Variants in TEP1 observed in about 807,000 individuals in gnomAD.
The protein encoded by TEP1 is telomerase protein component 1.
TEP1 carries 241 observed loss-of-function variants against 306.3 expected under a neutral mutation model. The observed-to-expected ratio is 0.79, with a 90% CI of 0.71 to 0.88. The LOEUF is 0.88. Among genes scored for constraint, TEP1 ranks in the 40% least tolerant of loss-of-function variants. The pLI, the probability that TEP1 is intolerant of heterozygous loss-of-function variation, is 0.00. For synonymous variants in TEP1, 1,289 were observed against 1,305.5 expected (o/e 0.99, Z 0.27); for missense variants, 3,051 against 3,276.1 (o/e 0.93, Z 1.68).
At position 20,395,616 on chromosome 14, in the gene TEP1, G is replaced by A. The variant is rs1488233452; in HGVS notation, c.1762C>T (p.Pro588Ser). 17 of 1,600,464 alleles carry A rather than the reference G, an allele frequency of 1.1e-5. No individual in the cohort carries two copies. The highest frequency in any genetic ancestry group is 1.4e-5 in the Non-Finnish European group (16 of 1,168,638). Residue 588 changes from proline to serine, a missense_variant, in exon 12 of 55, where the codon CCT becomes TCT. Pro to Ser is a moderately conservative substitution (Grantham distance 74). Around this residue, in one of 3 missense-constraint regions of TEP1, gnomAD observed 1,507 missense variants for 1,550.5 expected, o/e 0.97. Coordinates refer to ENST00000262715, the MANE Select transcript of TEP1 (RefSeq NM_007110.5). The stretch of plus-strand genomic sequence containing the variant: ...CGCCTCATCAGTGTTATATTCGAAG[G>A]AAAGGGCAATGCTGTATGATGACAG... ...AQLRNQALPF[P>S]SNITLMRRIL...
chr14:20,407,356 CT>C (rs765164667), intron 2 of TEP1, among the ~76,000 whole-genome samples: 37 of 152,134 alleles, frequency 2.4e-4, no homozygotes, highest in Non-Finnish European at 5.4e-4. Context: ...TTTGTTGTGT[CT>C]TTTGGGCTTT....
In TEP1 at chr14:20,395,883, G is replaced by C; in HGVS notation, c.1726C>G (p.Leu576Val). ...FLNAHDAIDALEAQLRNQALP... is the reference protein window; with the variant it reads ...FLNAHDAIDAVEAQLRNQALP... ...CCTTGATTTCTGAGTTGAGCCTCGA[G>C]GGCATCAATGGCATCATGGGCGTTA... Residue 576 changes from leucine to valine, a missense_variant, in exon 11 of 55, where the codon CTC becomes GTC. Physicochemically the swap from Leu to Val is conservative, Grantham distance 32. Coordinates refer to ENST00000262715, the MANE Select transcript of TEP1 (RefSeq NM_007110.5). 1.2e-6 allele frequency: 2 copies of C among 1,614,054 alleles called. No individual in the cohort carries two copies. Among genetic ancestry groups the C allele is most frequent in the Non-Finnish European group, 1.7e-6 (2 of 1,179,972 alleles).
intron 12 of TEP1, among the ~76,000 whole-genome samples, chr14:20,394,541 G>A (rs1416284937): frequency 6.8e-6 from 1 of 146,286 alleles, no homozygotes; most frequent in South Asian, 2.2e-4. Flanking sequence ...GTGCAATGGC[G>A]CGATCTCAGC....
Position 20,404,799 on chromosome 14 carries a change from A to G in TEP1, c.871-27T>C, listed in dbSNP as rs552518843. The G allele has an allele frequency of 2.5e-6, 4 of 1,576,598 alleles. No homozygotes were observed. In the African/African-American group the frequency reaches 4.1e-5, roughly 16 times the overall value. ...TAGGACACAGGGTGAGAGGACTAGA[A>G]TCTCAGTCACTCCTCCCGTAGCTTT... On this transcript the variant is annotated intron_variant, in intron 4 of 54. Coordinates refer to ENST00000262715, the MANE Select transcript of TEP1 (RefSeq NM_007110.5).
At chr14:20,408,654 G>A (rs1320622026) in intron 1 of TEP1, among the ~76,000 whole-genome samples, 191 bp from the exon 2 acceptor site, 2 of 152,060 alleles carry the variant, frequency 1.3e-5, no homozygotes, top group African/African-American at 2.4e-5. Context: ...AAAAGGTAAG[G>A]CAGAGGCTTA....
intron 51 of TEP1, among the ~76,000 whole-genome samples, chr14:20,370,525 A>C (rs2138992990): frequency 6.6e-6 from 1 of 152,330 alleles, no homozygotes; most frequent in Middle Eastern, 3.4e-3. Flanking sequence ...ATTCATCAGC[A>C]TGCAGTATCA....
At position 20,381,908 on chromosome 14, in the gene TEP1, T is replaced by C. The variant is rs770176730; in HGVS notation, c.4424+5A>G. The C allele has an allele frequency of 6.2e-7, 1 of 1,613,730 alleles. No homozygotes were observed. The highest frequency in any genetic ancestry group is 1.1e-5 in the South Asian group (1 of 91,046). ...TCAGCGGGAGCTCTGCTGGGGCACC[T>C]GTACCTGCGCAGACTCTGGACGAGG... is the stretch of plus-strand genomic sequence containing the variant. On this transcript the variant is annotated splice_donor_5th_base_variant and intron_variant, in intron 30 of 54. Coordinates refer to ENST00000262715, the MANE Select transcript of TEP1 (RefSeq NM_007110.5). The surrounding 1 kb of genome is among the most constrained non-coding windows in gnomAD (Gnocchi z 4.0).
At position 20,368,902 on chromosome 14, in the gene TEP1, T is replaced by A. The variant is rs1884645962; in HGVS notation, c.7657A>T (p.Ile2553Phe). The A allele has an allele frequency of 6.2e-7, 1 of 1,612,396 alleles. No individual in the cohort carries two copies. The highest frequency in any genetic ancestry group is 1.1e-5 in the South Asian group (1 of 90,718). ...AGGGCTGTGACAGAGCCCGAGTGAA[T>A]CTCAAAGAGGAAAGGGGAGAGCAGA... is the stretch of plus-strand genomic sequence containing the variant. ...PHLKTRQRRKIHSGSVTALHV... is the reference protein window; with the variant it reads ...PHLKTRQRRKFHSGSVTALHV... The change falls in exon 54 of 55, where the codon ATT (isoleucine) becomes TTT (phenylalanine). Residue 2553 changes from isoleucine to phenylalanine, a missense_variant and splice_region_variant. Coordinates refer to ENST00000262715, the MANE Select transcript of TEP1 (RefSeq NM_007110.5).
intron 12 of TEP1, among the ~76,000 whole-genome samples, chr14:20,393,845 G>C (rs1251120577): frequency 6.6e-6 from 1 of 151,922 alleles, no homozygotes; most frequent in Admixed American, 6.6e-5. Context: ...ACTTTGGTTT[G>C]GGAGGCCAAG....
chr14:20,400,942 G>T lies in TEP1; in HGVS notation c.1549+42C>A, dbSNP rs80138238. 3,201 of 1,598,220 alleles carry T rather than the reference G, an allele frequency of 2.0e-3. 60 individuals are homozygous for T. In the African/African-American group the frequency reaches 0.038, roughly 19 times the overall value. ...GGATCTAAAATGTGGAGGCATAAAT[G>T]GGGAAGAGAAGGAGGGAATGTGATG... is the stretch of plus-strand genomic sequence containing the variant. On this transcript the variant is annotated intron_variant, in intron 9 of 54. Transcript: ENST00000262715.
chr14:20,391,711 G>A lies in TEP1; in HGVS notation c.1985C>T (p.Ala662Val), dbSNP rs141282395. Residue 662 changes from alanine to valine, a missense_variant, in exon 13 of 55, where the codon GCT becomes GTT. Physicochemically the swap from Ala to Val is moderately conservative, Grantham distance 64 (BLOSUM62 0). Coordinates refer to ENST00000262715, the MANE Select transcript of TEP1 (RefSeq NM_007110.5). Reference protein sequence around the residue: ...LNRYRQALETAVNLSVKHSLP... With the variant: ...LNRYRQALETVVNLSVKHSLP... ...GCTGTGCTTCACAGAGAGGTTCACA[G>A]CTGTCTCTAGGGCCTGTCGGTACCT... The A allele has an allele frequency of 1.5e-4, 240 of 1,614,236 alleles. No individual in the cohort carries two copies. Among genetic ancestry groups the A allele is most frequent in the Middle Eastern group, 8.2e-4 (5 of 6,062 alleles).
chr14:20,377,995 AACCCACCACC>A lies in TEP1; in HGVS notation c.5721+19_5721+28del, dbSNP rs1885294789. 5.0e-6 allele frequency: 8 copies of A among 1,609,052 alleles called. No individual in the cohort carries two copies. The highest frequency in any genetic ancestry group is 6.8e-6 in the Non-Finnish European group (8 of 1,178,878). ...CTTTGCCTTTGCTACTCCTCCTCAC[AACCCACCACC>A]AGCCCTCTGCAAGCTGACCTTGCCA... is the stretch of plus-strand genomic sequence containing the variant. On this transcript the variant is annotated intron_variant, in intron 39 of 54. Transcript: ENST00000262715.
At chr14:20,398,146 G>A (rs944395224) in intron 9 of TEP1, among the ~76,000 whole-genome samples, 2 of 151,912 alleles carry the variant, frequency 1.3e-5, no homozygotes, top group African/African-American at 2.4e-5. Context: ...TTGGAAGGCC[G>A]ACTCAGGCGG....
chr14:20,381,101 A>G lies in TEP1; in HGVS notation c.4648-56T>C, dbSNP rs966169051. 24 of 1,442,786 alleles carry G rather than the reference A, an allele frequency of 1.7e-5. No individual in the cohort carries two copies. The African/African-American group carries it at 3.4e-4, about 20-fold the overall frequency. The allele number at this position is 1,442,786 out of a possible 1,614,324, so 89.4% of individuals were successfully genotyped here. On this transcript the variant is annotated intron_variant, in intron 32 of 54. Transcript: ENST00000262715. The surrounding 1 kb of genome is among the most constrained non-coding windows in gnomAD (Gnocchi z 4.0). ...TATGAAGGGGCTGGTGAGAAGGGACAGTTTAGTCTCAGAACCTGGATACAG... is the reference window on the plus strand; with the variant it reads ...TATGAAGGGGCTGGTGAGAAGGGACGGTTTAGTCTCAGAACCTGGATACAG...
chr14:20,401,396 G>A (rs765332011), intron 8 of TEP1, 61 bp downstream of exon 8: 32 of 1,601,454 alleles, frequency 2.0e-5, no homozygotes, highest in Middle Eastern at 2.0e-4. Flanking sequence ...TGGGGGCCAC[G>A]GATGTTGAAA....
rs747820694 is a variant in TEP1, at chr14:20,378,460, G to A, written c.5428C>T (p.Pro1810Ser). ...CCTGTGGCTATTACCTGCCCCTCTG[G>A]GTGGAAGGCAACACAGTTCAGGGAC... is the stretch of plus-strand genomic sequence containing the variant. ...PKSLNCVAFH[P>S]EGQVIATGSW... The change falls in exon 38 of 55, where the codon CCA becomes TCA. Residue 1810 changes from proline to serine, a missense_variant. Coordinates refer to ENST00000262715, the MANE Select transcript of TEP1 (RefSeq NM_007110.5). 9 of 1,614,246 alleles carry A rather than the reference G, an allele frequency of 5.6e-6. No individual in the cohort carries two copies. Among genetic ancestry groups the A allele is most frequent in the South Asian group, 1.1e-5 (1 of 91,082 alleles).
chr14:20,378,316 C>T (rs1885322237), intron 38 of TEP1, 64 bp downstream of exon 38: 2 of 1,611,464 alleles, frequency 1.2e-6, no homozygotes, highest in South Asian at 1.1e-5. Flanking sequence ...TGCTGTCTGT[C>T]GTCTGCCACC....
At chr14:20,373,620 G>T in intron 45 of TEP1, 37 bp from the exon 46 acceptor site, 2 of 1,614,162 alleles carry the variant, frequency 1.2e-6, no homozygotes, top group Non-Finnish European at 1.7e-6. Flanking sequence ...AAGAAGGGAC[G>T]GAGCAGGGGA....
chr14:20,410,673 C>CTTG (rs910503544), intron 1 of TEP1, among the ~76,000 whole-genome samples: 2 of 151,516 alleles, frequency 1.3e-5, no homozygotes, highest in Non-Finnish European at 2.9e-5. Flanking sequence ...AACTCCTGAC[C>CTTG]TTGTGATCCA....
Sources: allele counts gnomAD v4.1 joint callset (sites outside exome capture counted in the v4.1 genomes callset), GRCh38; gene constraint gnomAD v4.1.1; regional missense constraint gnomAD v4.1.1; non-coding constraint Gnocchi (gnomAD v3.1); transcripts MANE v1.5; gene names NCBI Gene and HGNC (gene_info 2026-07-23, HGNC 2026-07-21).